Variants in CEP128 observed in about 807,000 individuals in gnomAD.
The protein encoded by CEP128 is centrosomal protein 128kDa.
In CEP128, 132 loss-of-function variants were observed where a neutral mutation model predicts 156.7. That is an observed-to-expected ratio of 0.84 (90% CI 0.73 to 0.97). The LOEUF is 0.97. Ranked by LOEUF, CEP128 falls within the 50% of genes least tolerant of loss-of-function variation. The pLI, the probability that CEP128 is intolerant of heterozygous loss-of-function variation, is 0.00. For synonymous variants in CEP128, 469 were observed against 448.9 expected, an observed-to-expected ratio of 1.04 and a Z score of -0.57; for missense variants, 1,252 against 1,281.9, an observed-to-expected ratio of 0.98 and a Z score of 0.36.
chr14:80,763,823 A>C (rs1417484995), intron 16 of CEP128, among the ~76,000 whole-genome samples: 1 of 152,166 alleles, frequency 6.6e-6, no homozygotes, highest in Non-Finnish European at 1.5e-5. Flanking sequence ...ATCAATTACC[A>C]TGCAGAGCTT....
chr14:80,541,803 A>G (rs1048422103), intron 21 of CEP128, among the ~76,000 whole-genome samples: 4 of 152,198 alleles, frequency 2.6e-5, no homozygotes, highest in African/African-American at 9.7e-5. Flanking sequence ...GAGCTCACTG[A>G]TTCTCCTGCA....
At chr14:80,818,703 A>G (rs1885000264) in intron 13 of CEP128, among the ~76,000 whole-genome samples, 1 of 152,232 alleles carries the variant, frequency 6.6e-6, no homozygotes, top group South Asian at 2.1e-4. Context: ...GCTTCCCTTA[A>G]ATTAAACACC....
chr14:80,920,054 T>A (rs1237670743), intron 2 of CEP128, among the ~76,000 whole-genome samples: 1 of 152,184 alleles, frequency 6.6e-6, no homozygotes, highest in Admixed American at 6.5e-5. Context: ...CTAAGTAAAA[T>A]TTTTAAATCT....
At chr14:80,869,648 T>A (rs75434431) in intron 8 of CEP128, among the ~76,000 whole-genome samples, 5,710 of 152,074 alleles carry the variant, frequency 0.038, 245 homozygotes, top group Admixed American at 0.13. Context: ...AAAAGATCCA[T>A]GAAACTAACA....
intron 9 of CEP128, among the ~76,000 whole-genome samples, chr14:80,843,173 C>T (rs1886427196): frequency 6.6e-6 from 1 of 152,000 alleles, no homozygotes; most frequent in African/African-American, 2.4e-5. Context: ...GAGGCTCTAA[C>T]AGATAACACA....
chr14:80,944,978 C>G (rs992400174), upstream of CEP128, among the ~76,000 whole-genome samples: 3 of 151,490 alleles, frequency 2.0e-5, no homozygotes, highest in East Asian at 3.9e-4. Flanking sequence ...TTGCAGTACC[C>G]TTCTTTTGCA....
intron 19 of CEP128, among the ~76,000 whole-genome samples, chr14:80,673,624 C>T (rs1238258903): frequency 2.9e-5 from 3 of 104,026 alleles, no homozygotes; most frequent in Admixed American, 1.6e-4. Flanking sequence ...CCAGCCTGGG[C>T]GACAGAGCGA....
intron 23 of CEP128, among the ~76,000 whole-genome samples, chr14:80,506,831 G>A (rs984027614): frequency 6.6e-6 from 1 of 152,136 alleles, no homozygotes. Flanking sequence ...TAGCTTTCAT[G>A]TTCCAAAGGG....
chr14:80,784,595 T>C lies in CEP128; in HGVS notation c.2211+300A>G, dbSNP rs904776425. On this transcript the variant is annotated intron_variant, in intron 15 of 24. Coordinates refer to ENST00000555265, the MANE Select transcript of CEP128 (RefSeq NM_152446.5). ...TTTATATTTTAGGAGGTCATAAATG[T>C]TGAATGAGGGCACGTTTCAGGTCCA... is the stretch of plus-strand genomic sequence containing the variant. 5.3e-5 allele frequency among the ~76,000 whole-genome samples: 8 copies of C among 152,178 alleles called. 1 individual carries two copies. Among genetic ancestry groups the C allele is most frequent in the African/African-American group, 1.9e-4 (8 of 41,442 alleles).
intron 8 of CEP128, among the ~76,000 whole-genome samples, chr14:80,878,215 T>C (rs1351255533): frequency 1.3e-5 from 2 of 152,130 alleles, no homozygotes; most frequent in Admixed American, 1.3e-4. Context: ...CTGACTCACG[T>C]AGCTGCACTT....
In CEP128 at chr14:80,530,846, T is replaced by C; in HGVS notation, c.2921A>G (p.Glu974Gly). The C allele has an allele frequency of 6.2e-7, 1 of 1,609,374 alleles. No homozygotes were observed. Among genetic ancestry groups the C allele is most frequent in the Non-Finnish European group, 8.5e-7 (1 of 1,177,438 alleles). Residue 974 changes from glutamate to glycine, a missense_variant, in exon 22 of 25, where the codon GAG becomes GGG. Coordinates refer to ENST00000555265, the MANE Select transcript of CEP128 (RefSeq NM_152446.5). ...GAAATCTTCTAGTAGGCTCAGTTTC[T>C]CAGGCACAGACTCCAGATGGTCCAA... ...VALDHLESVP[E>G]KLSLLEDFKD...
chr14:80,617,322 C>T (rs1893262574), intron 19 of CEP128, among the ~76,000 whole-genome samples: 1 of 148,430 alleles, frequency 6.7e-6, no homozygotes, highest in Non-Finnish European at 1.5e-5. Flanking sequence ...GCTCCACCTC[C>T]CGGGTTCACG....
At chr14:80,834,176 G>A (rs1353274150) in intron 12 of CEP128, among the ~76,000 whole-genome samples, 1 of 152,006 alleles carries the variant, frequency 6.6e-6, no homozygotes, top group East Asian at 1.9e-4. Flanking sequence ...TAGGATAGTA[G>A]GCAAAACCAA....
At chr14:80,679,309 G>C (rs941463734) in intron 19 of CEP128, among the ~76,000 whole-genome samples, 1 of 152,144 alleles carries the variant, frequency 6.6e-6, no homozygotes, top group Non-Finnish European at 1.5e-5. Context: ...TTTTCTTCTT[G>C]CAGAGCGCCT....
chr14:80,608,668 C>G (rs1028607213), intron 19 of CEP128, among the ~76,000 whole-genome samples: 1 of 152,178 alleles, frequency 6.6e-6, no homozygotes, highest in African/African-American at 2.4e-5. Flanking sequence ...TCTTGAACCT[C>G]TAAATCTACA....
intron 19 of CEP128, among the ~76,000 whole-genome samples, chr14:80,696,334 T>C (rs1298722260): frequency 6.6e-6 from 1 of 152,158 alleles, no homozygotes; most frequent in African/African-American, 2.4e-5. Context: ...TGAGAGACAG[T>C]AAAATCTCCA....
intron 9 of CEP128, among the ~76,000 whole-genome samples, chr14:80,861,334 C>T (rs1177668418): frequency 6.6e-6 from 1 of 151,836 alleles, no homozygotes; most frequent in Non-Finnish European, 1.5e-5. Context: ...ATTTAAATAA[C>T]TTAAAATTAT....
At position 80,640,712 on chromosome 14, in the gene CEP128, G is replaced by A. The variant is rs576317734; in HGVS notation, c.2807-60289C>T. ...TCTAAACAACAACAAATATGAAAAC[G>A]GCTCTGACAAGTACCCATATAAAAA... On this transcript the variant is annotated intron_variant, in intron 19 of 24. Coordinates refer to ENST00000555265, the MANE Select transcript of CEP128 (RefSeq NM_152446.5). Among the ~76,000 whole-genome samples, 9 of 152,068 alleles carry A rather than the reference G, an allele frequency of 5.9e-5. No homozygotes were observed. The South Asian group carries it at 1.2e-3, about 21-fold the overall frequency.
chr14:80,745,177 C>T (rs945639375), intron 18 of CEP128, among the ~76,000 whole-genome samples: 1 of 152,040 alleles, frequency 6.6e-6, no homozygotes, highest in Admixed American at 6.6e-5. Flanking sequence ...GAGATCTGGT[C>T]GTTTAAAGGT....
Sources: allele counts gnomAD v4.1 joint callset (sites outside exome capture counted in the v4.1 genomes callset), GRCh38; gene constraint gnomAD v4.1.1; transcripts MANE v1.5; gene names NCBI Gene and HGNC (gene_info 2026-07-23, HGNC 2026-07-21).